EDA: variants seen among roughly 807,000 people sequenced by gnomAD.
EDA encodes ectodysplasin-A.
EDA carries 2 observed loss-of-function variants against 23.6 expected under a neutral mutation model. The observed-to-expected ratio is 0.08, with a 90% CI of 0.03 to 0.27. The LOEUF (loss-of-function observed/expected upper bound fraction) is 0.27. EDA is among the 10% of genes least tolerant of loss of function. The pLI is 1.00. For missense variants in EDA, 229 were observed against 324.2 expected (o/e 0.71, Z 2.26); for synonymous variants, 131 against 132.0 (o/e 0.99, Z 0.05).
intron 1 of EDA, chrX:69,860,824 C>G (rs2017367312): frequency 3.9e-6 from 2 of 518,980 alleles, no homozygotes; most frequent in South Asian, 4.9e-5. Context: ...AATATGTTTT[C>G]CAAGTTGGTT....
At chrX:69,905,090 TG>T (rs1258055079) in intron 1 of EDA, among the ~76,000 whole-genome samples, 2 of 112,337 alleles carry the variant, frequency 1.8e-5, no homozygotes, top group African/African-American at 6.5e-5. Flanking sequence ...TTTAGTTTTT[TG>T]AAGAACCTCT....
In EDA at chrX:69,890,421, C is replaced by T. The variant is rs748324697; in HGVS notation, c.397-66606C>T. 6.4e-5 allele frequency among the ~76,000 whole-genome samples: 7 copies of T among 109,759 alleles called. No individual in the cohort carries two copies. In the East Asian group the frequency reaches 2.0e-3, roughly 31 times the overall value. ...CAAAAAAAAAAAGAGCCCAAATAAC[C>T]AAGGTAATCCTAAGCAAAAAGAACA... On this transcript the variant is annotated intron_variant, in intron 1 of 7. Coordinates refer to ENST00000374552, the MANE Select transcript of EDA (RefSeq NM_001399.5).
At chrX:69,903,842 G>A (rs1201434617) in intron 1 of EDA, among the ~76,000 whole-genome samples, 2 of 110,054 alleles carry the variant, frequency 1.8e-5, no homozygotes, top group Non-Finnish European at 3.8e-5. Context: ...GTTTTGAGAC[G>A]GACTGTTGCC....
chrX:69,718,523 G>A (rs956503380), intron 1 of EDA, among the ~76,000 whole-genome samples: 1 of 110,588 alleles, frequency 9.0e-6, no homozygotes, highest in Non-Finnish European at 1.9e-5. Context: ...GACTTTGTCA[G>A]ATACCTTTTC....
chrX:70,027,554 G>A (rs1042206919), intron 3 of EDA, among the ~76,000 whole-genome samples: 6 of 111,753 alleles, frequency 5.4e-5, no homozygotes, highest in African/African-American at 2.0e-4. Flanking sequence ...CAGGCGCGGT[G>A]GCTCACGCCT....
At chrX:69,888,076 G>A (rs1316071890) in intron 1 of EDA, among the ~76,000 whole-genome samples, 1 of 111,653 alleles carries the variant, frequency 9.0e-6, no homozygotes, top group Admixed American at 9.5e-5. Context: ...TAGTATAAAA[G>A]TTATCTCTAG....
At chrX:69,706,211 T>C (rs967872092) in intron 1 of EDA, among the ~76,000 whole-genome samples, 2 of 111,851 alleles carry the variant, frequency 1.8e-5, no homozygotes, top group Non-Finnish European at 3.8e-5. Context: ...CATTAATGCA[T>C]AGGGCAGACA....
chrX:69,825,866 A>G (rs1261596700), intron 1 of EDA, among the ~76,000 whole-genome samples: 2 of 109,864 alleles, frequency 1.8e-5, no homozygotes, highest in Non-Finnish European at 3.8e-5. Context: ...ACACACTGCT[A>G]TGAATGCATC....
At chrX:69,698,036 G>T (rs904762850) in intron 1 of EDA, among the ~76,000 whole-genome samples, 14 of 111,344 alleles carry the variant, frequency 1.3e-4, no homozygotes, top group African/African-American at 4.6e-4. Flanking sequence ...ACTGTCTGTG[G>T]CCTAATTATT....
rs759648106 is a variant in EDA, at chrX:69,717,671, C to G, written c.396+100967C>G. ...AGTAGCTGGGACTACAGGTGCCCACCACCATGCCTGGCTAATTTTTTGTAT... is the reference window on the plus strand; with the variant it reads ...AGTAGCTGGGACTACAGGTGCCCACGACCATGCCTGGCTAATTTTTTGTAT... On this transcript the variant is annotated intron_variant, in intron 1 of 7. Transcript: ENST00000374552. Among the ~76,000 whole-genome samples, 5 of 110,468 alleles carry G rather than the reference C, an allele frequency of 4.5e-5. No individual in the cohort carries two copies. The East Asian group carries it at 1.4e-3, about 32-fold the overall frequency.
intron 5 of EDA, 151 bp downstream of exon 5, chrX:70,029,689 C>A: frequency 3.3e-6 from 2 of 609,508 alleles, no homozygotes; most frequent in Non-Finnish European, 5.3e-6. Flanking sequence ...CCCCTCCCAT[C>A]TCTATGAATA....
chrX:69,681,485 A>C (rs895160370), intron 1 of EDA, among the ~76,000 whole-genome samples: 3 of 110,798 alleles, frequency 2.7e-5, no homozygotes, highest in African/African-American at 6.6e-5. Context: ...TGGTCTTTTC[A>C]CATAGTCCCA....
At chrX:69,702,165 T>A (rs1411571288) in intron 1 of EDA, among the ~76,000 whole-genome samples, 1 of 111,389 alleles carries the variant, frequency 9.0e-6, no homozygotes, top group African/African-American at 3.3e-5. Flanking sequence ...CAGTTCCTGC[T>A]ACTTCCCAAA....
At chrX:69,636,420 A>ACCCAGTCT (rs1212608276) in intron 1 of EDA, among the ~76,000 whole-genome samples, 2 of 110,150 alleles carry the variant, frequency 1.8e-5, no homozygotes, top group Non-Finnish European at 3.8e-5. Flanking sequence ...TTAGTAAATC[A>ACCCAGTCT]CCCAGTCTCA....
chrX:69,743,716 T>C (rs1363796526), intron 1 of EDA, among the ~76,000 whole-genome samples: 2 of 112,164 alleles, frequency 1.8e-5, no homozygotes, highest in Non-Finnish European at 3.8e-5. Flanking sequence ...ACTGCCCACA[T>C]GAACTCTTAG....
At chrX:69,879,888 A>G (rs866186691) in intron 1 of EDA, among the ~76,000 whole-genome samples, 8 of 111,918 alleles carry the variant, frequency 7.1e-5, no homozygotes, top group African/African-American at 2.3e-4. Context: ...TGAAAAATCT[A>G]AAGTCAACTC....
At chrX:69,674,137 A>G (rs1314339617) in intron 1 of EDA, among the ~76,000 whole-genome samples, 1 of 110,798 alleles carries the variant, frequency 9.0e-6, no homozygotes, top group Non-Finnish European at 1.9e-5. Flanking sequence ...CTATCTATCT[A>G]TCTATCTATC....
intron 1 of EDA, among the ~76,000 whole-genome samples, chrX:69,740,024 A>T (rs996579485): frequency 1.1e-4 from 12 of 111,113 alleles, no homozygotes; most frequent in African/African-American, 3.9e-4. Flanking sequence ...TCAAGTTACC[A>T]CTTGCTATCA....
intron 1 of EDA, among the ~76,000 whole-genome samples, chrX:69,876,926 C>CA (rs2017654832): frequency 8.9e-6 from 1 of 112,197 alleles, no homozygotes; most frequent in African/African-American, 3.2e-5. Flanking sequence ...ATAAACATAA[C>CA]ATCATTTCTC....
Sources: allele counts gnomAD v4.1 joint callset (sites outside exome capture counted in the v4.1 genomes callset), GRCh38; gene constraint gnomAD v4.1.1; transcripts MANE v1.5; gene names NCBI Gene and HGNC (gene_info 2026-07-23, HGNC 2026-07-21).